The following NKAIN2 variants were observed in gnomAD, a reference collection of about 807,000 sequenced individuals.
NKAIN2 encodes sodium/potassium-transporting ATPase subunit beta-1-interacting protein 2.
Under a neutral mutation model 32.6 loss-of-function variants are expected in NKAIN2, and 14 were observed. That is an observed-to-expected ratio of 0.43 (90% CI 0.28 to 0.67). The LOEUF (loss-of-function observed/expected upper bound fraction) is 0.67, where lower values mean the gene tolerates loss of function less well. Ranked by LOEUF, NKAIN2 falls within the 30% of genes least tolerant of loss-of-function variation. The probability of loss-of-function intolerance (pLI) is 0.17; values close to 1 mark genes in which losing one functional copy is unlikely to be tolerated. For synonymous variants in NKAIN2, 80 were observed against 87.2 expected (o/e 0.92, Z 0.46); for missense variants, 198 against 258.3 (o/e 0.77, Z 1.60).
chr6:124,084,423 G>A (rs933395919), intron 1 of NKAIN2, among the ~76,000 whole-genome samples: 4 of 151,222 alleles, frequency 2.6e-5, no homozygotes, highest in Admixed American at 6.6e-5. Flanking sequence ...TGGCCTAGAC[G>A]TATAGTAGAT....
chr6:123,947,200 C>T (rs1777101949), intron 1 of NKAIN2, among the ~76,000 whole-genome samples: 1 of 152,158 alleles, frequency 6.6e-6, no homozygotes, highest in Non-Finnish European at 1.5e-5. Flanking sequence ...GTCTTCAGAT[C>T]AGGTCTGTGT....
chr6:124,283,475 C>A (rs1035665968), intron 2 of NKAIN2, among the ~76,000 whole-genome samples: 1 of 152,062 alleles, frequency 6.6e-6, no homozygotes, highest in African/African-American at 2.4e-5. Flanking sequence ...GAAATTTTTT[C>A]TCATTTTAAA....
At chr6:124,500,920 G>A (rs1318502536) in intron 3 of NKAIN2, among the ~76,000 whole-genome samples, 1 of 152,072 alleles carries the variant, frequency 6.6e-6, no homozygotes, top group Non-Finnish European at 1.5e-5. Flanking sequence ...TGTAGAAGAG[G>A]TTGAATTTGA....
rs145151651 is a variant in NKAIN2 at position 123,804,083 on chromosome 6, G to A, written c.-118G>A. On this transcript the variant is annotated 5_prime_UTR_variant, in exon 1 of 7. Transcript: ENST00000368417. ...AGGACGCTGGCAGCAGCAGCAGCCC[G>A]GAGCCCCCGAGCCCTCGGCAGGTTT... is the stretch of plus-strand genomic sequence containing the variant. 2.1e-3 allele frequency: 1,901 copies of A among 913,224 alleles called. 19 individuals are homozygous for A. The African/African-American group carries it at 0.025, about 12-fold the overall frequency. The allele number at this position is 913,224 out of a possible 1,614,324, so 56.6% of individuals were successfully genotyped here.
rs143492346 is a variant in NKAIN2, at chr6:124,334,476, G to A, written c.193-20791G>A. Among the ~76,000 whole-genome samples the A allele has an allele frequency of 8.6e-3, 1,316 of 152,192 alleles. 6 individuals carry two copies. The highest frequency in any genetic ancestry group is 0.024 in the Middle Eastern group (7 of 294). On this transcript the variant is annotated intron_variant, in intron 2 of 6. Transcript: ENST00000368417. ...TTTCTTAAAGAAAGATAATTTGGTG[G>A]GTAGGGGGCCAGGGAGTGCAGACTA...
intron 3 of NKAIN2, among the ~76,000 whole-genome samples, chr6:124,539,855 G>A (rs1473419468): frequency 1.3e-5 from 2 of 152,020 alleles, no homozygotes; most frequent in African/African-American, 4.8e-5. Context: ...CGAGTAGCTG[G>A]GACTACAAGT....
intron 1 of NKAIN2, among the ~76,000 whole-genome samples, chr6:124,001,772 A>AAG: frequency 6.8e-6 from 1 of 146,250 alleles, no homozygotes; most frequent in East Asian, 2.0e-4. Flanking sequence ...CAACTTTTTA[A>AAG]ATAGAAAAAG....
chr6:123,891,195 G>T (rs1336993907), intron 1 of NKAIN2, among the ~76,000 whole-genome samples: 1 of 152,064 alleles, frequency 6.6e-6, no homozygotes, highest in Non-Finnish European at 1.5e-5. Context: ...GTGGGGTTGG[G>T]CAAATTGAGA....
chr6:124,659,752 G>A (rs1475972174), intron 4 of NKAIN2, among the ~76,000 whole-genome samples: 1 of 151,942 alleles, frequency 6.6e-6, no homozygotes, highest in East Asian at 1.9e-4. Flanking sequence ...TTCTGCTTGG[G>A]AGGAAGGCTC....
At chr6:124,044,389 A>G (rs1449178849) in intron 1 of NKAIN2, among the ~76,000 whole-genome samples, 2 of 151,970 alleles carry the variant, frequency 1.3e-5, no homozygotes, top group African/African-American at 2.4e-5. Context: ...CTAGACTCTC[A>G]TCGCTCTCCC....
At chr6:124,226,880 T>A (rs1792140231) in intron 1 of NKAIN2, among the ~76,000 whole-genome samples, 1 of 152,258 alleles carries the variant, frequency 6.6e-6, no homozygotes, top group East Asian at 1.9e-4. Flanking sequence ...ATTTAGCACT[T>A]ACACACAGGA....
intron 2 of NKAIN2, among the ~76,000 whole-genome samples, chr6:124,292,252 C>G (rs1010301049): frequency 2.6e-5 from 4 of 152,082 alleles, no homozygotes; most frequent in African/African-American, 9.7e-5. Flanking sequence ...AAAATTCTCC[C>G]TAGCAGTCCA....
chr6:124,422,011 CAAAT>C (rs1197980659), intron 3 of NKAIN2, among the ~76,000 whole-genome samples: 1 of 151,702 alleles, frequency 6.6e-6, no homozygotes, highest in Admixed American at 6.6e-5. Flanking sequence ...TTATTTTAAA[CAAAT>C]GAATAATTGA....
At chr6:124,055,305 G>GC (rs776986916) in intron 1 of NKAIN2, among the ~76,000 whole-genome samples, 15 of 152,160 alleles carry the variant, frequency 9.9e-5, no homozygotes, top group Admixed American at 5.2e-4. Context: ...CTCTATGAGA[G>GC]TATTGAATAA....
At position 124,778,013 on chromosome 6, in the gene NKAIN2, T is replaced by C. The variant is rs1242650374; in HGVS notation, c.475-13326T>C. On this transcript the variant is annotated intron_variant, in intron 4 of 6. Transcript: ENST00000368417. ...TGTACACAGAGATGACATCCAGTAA[T>C]GAGGTTTTAACAATTTTGAAGTCAT... Among the ~76,000 whole-genome samples the C allele has an allele frequency of 2.7e-5, 4 of 150,928 alleles. No homozygotes were observed. In the East Asian group the frequency reaches 7.8e-4, roughly 29 times the overall value.
chr6:123,953,682 A>G (rs1323683914), intron 1 of NKAIN2, among the ~76,000 whole-genome samples: 3 of 152,150 alleles, frequency 2.0e-5, no homozygotes, highest in Admixed American at 2.0e-4. Flanking sequence ...AACCCCAGTC[A>G]GCATGTTTGG....
chr6:124,163,590 T>A (rs150489875), intron 1 of NKAIN2, among the ~76,000 whole-genome samples: 165 of 152,176 alleles, frequency 1.1e-3, no homozygotes, highest in African/African-American at 3.8e-3. Flanking sequence ...TTTCATTGGC[T>A]TGCAAAAGTC....
chr6:123,885,951 G>GAAAAAAAA (rs1156443421), intron 1 of NKAIN2, among the ~76,000 whole-genome samples: 1 of 91,696 alleles, frequency 1.1e-5, no homozygotes. Context: ...ATGATCAAAA[G>GAAAAAAAA]AAAAAAAAAA....
chr6:124,431,523 G>C (rs1775216576), intron 3 of NKAIN2, among the ~76,000 whole-genome samples: 1 of 152,070 alleles, frequency 6.6e-6, no homozygotes, highest in African/African-American at 2.4e-5. Flanking sequence ...TCCCATGATA[G>C]TTGAAACCAC....
Sources: gnomAD v4.1 joint callset for allele counts (sites outside exome capture counted in the v4.1 genomes callset) on GRCh38, gnomAD v4.1.1 for gene constraint, MANE v1.5 for transcripts, NCBI Gene and HGNC (gene_info 2026-07-23, HGNC 2026-07-21) for gene names.